Variants in DGKB observed in about 807,000 individuals in gnomAD.
DGKB encodes 90 kDa diacylglycerol kinase.
DGKB carries 67 observed loss-of-function variants against 114.3 expected under a neutral mutation model. The observed-to-expected ratio is 0.59, with a 90% CI of 0.48 to 0.72. The LOEUF (loss-of-function observed/expected upper bound fraction) is 0.72. Ranked by LOEUF, DGKB falls within the 30% of genes least tolerant of loss-of-function variation. The pLI, the probability that DGKB is intolerant of heterozygous loss-of-function variation, is 0.00. For synonymous variants in DGKB, 398 were observed against 323.1 expected, an observed-to-expected ratio of 1.23 and a Z score of -2.49; for missense variants, 907 against 975.2, an observed-to-expected ratio of 0.93 and a Z score of 0.93.
At chr7:14,691,451 C>A (rs969194676) in intron 9 of DGKB, among the ~76,000 whole-genome samples, 41 of 152,158 alleles carry the variant, frequency 2.7e-4, no homozygotes, top group African/African-American at 8.7e-4. Flanking sequence ...AAATTCTCTA[C>A]AGGTAATAAT....
At chr7:14,473,009 A>T (rs1202910712) in intron 21 of DGKB, among the ~76,000 whole-genome samples, 2 of 152,188 alleles carry the variant, frequency 1.3e-5, no homozygotes, top group African/African-American at 2.4e-5. Context: ...TATAGAAAAG[A>T]AAATCCCATT....
At chr7:14,755,321 A>G (rs1834710566) in intron 3 of DGKB, among the ~76,000 whole-genome samples, 1 of 152,164 alleles carries the variant, frequency 6.6e-6, no homozygotes, top group African/African-American at 2.4e-5. Flanking sequence ...TTAAAACTTC[A>G]GTAATTCAAG....
At chr7:14,834,813 A>T (rs1284381789) in intron 2 of DGKB, among the ~76,000 whole-genome samples, 1 of 152,182 alleles carries the variant, frequency 6.6e-6, no homozygotes. Flanking sequence ...AATTGGACTC[A>T]AATGGATTTT....
At chr7:14,800,448 A>T (rs1842006987) in intron 2 of DGKB, among the ~76,000 whole-genome samples, 1 of 152,178 alleles carries the variant, frequency 6.6e-6, no homozygotes, top group Non-Finnish European at 1.5e-5. Flanking sequence ...AGCAGGCAGA[A>T]AAGGAGAGAC....
chr7:14,616,508 A>G (rs985521970), intron 15 of DGKB, among the ~76,000 whole-genome samples: 3 of 151,910 alleles, frequency 2.0e-5, no homozygotes, highest in Middle Eastern at 3.4e-3. Flanking sequence ...GCAATCCTAA[A>G]ATATTGTGTC....
At chr7:14,786,124 A>G (rs1027545892) in intron 2 of DGKB, among the ~76,000 whole-genome samples, 4 of 151,274 alleles carry the variant, frequency 2.6e-5, no homozygotes, top group Non-Finnish European at 5.9e-5. Flanking sequence ...GATTAGAAAA[A>G]TTTCCAGGAA....
intron 1 of DGKB, among the ~76,000 whole-genome samples, chr7:14,933,653 G>A (rs1785140907): frequency 6.6e-6 from 1 of 152,006 alleles, no homozygotes; most frequent in Admixed American, 6.6e-5. Flanking sequence ...CAAAACTAAT[G>A]TATACAAAGA....
At chr7:14,543,635 G>T (rs1487053687) in intron 20 of DGKB, among the ~76,000 whole-genome samples, 1 of 152,110 alleles carries the variant, frequency 6.6e-6, no homozygotes, top group Non-Finnish European at 1.5e-5. Context: ...ATAGTAACTT[G>T]CTCACAGTAG....
intron 2 of DGKB, among the ~76,000 whole-genome samples, chr7:14,767,013 G>T (rs762486304): frequency 1.3e-5 from 2 of 151,486 alleles, no homozygotes; most frequent in Non-Finnish European, 3.0e-5. Context: ...GAGTTTAAGA[G>T]AAAATATGAT....
rs148625162 is a variant in DGKB, at chr7:14,502,127, G to C, written c.1771-23902C>G. ...ATCTTAATGTCTTGGATGTGGGCTTGACTAACAGAATGTGATGAAAGTGAC... is the reference window on the plus strand; with the variant it reads ...ATCTTAATGTCTTGGATGTGGGCTTCACTAACAGAATGTGATGAAAGTGAC... On this transcript the variant is annotated intron_variant, in intron 20 of 25. Coordinates refer to ENST00000402815, the MANE Select transcript of DGKB (RefSeq NM_001350709.2). 2.3e-3 allele frequency among the ~76,000 whole-genome samples: 356 copies of C among 152,016 alleles called. 2 individuals carry two copies. Among genetic ancestry groups the C allele is most frequent in the African/African-American group, 8.1e-3 (337 of 41,516 alleles).
Position 14,345,394 on chromosome 7 carries a change from G to GA in DGKB, c.1836-4dup. 1 of 1,505,750 alleles carries GA rather than the reference G, an allele frequency of 6.6e-7. No homozygotes were observed. The highest frequency in any genetic ancestry group is 9.0e-7 in the Non-Finnish European group (1 of 1,113,088). 93.3% of individuals were successfully genotyped at this position (1,505,750 alleles called of 1,614,324 possible). A position where few individuals can be genotyped will look rare whatever the true frequency, so the allele number is the denominator to read the frequency against. On this transcript the variant is annotated splice_polypyrimidine_tract_variant and splice_region_variant and intron_variant, in intron 21 of 25. Coordinates refer to ENST00000402815, the MANE Select transcript of DGKB (RefSeq NM_001350709.2). ...AATACCAAAATTTGTTCTTCATTCT[G>GA]AAAAAGAAAAGGAAGAAGCACCTTA...
intron 21 of DGKB, among the ~76,000 whole-genome samples, chr7:14,466,702 C>A (rs1054971156): frequency 2.0e-5 from 3 of 151,838 alleles, no homozygotes; most frequent in Non-Finnish European, 4.4e-5. Context: ...TCTGTAGTCC[C>A]AGCTACTTAG....
intron 2 of DGKB, among the ~76,000 whole-genome samples, chr7:14,808,527 G>C (rs138865132): frequency 4.9e-4 from 75 of 152,144 alleles, no homozygotes; most frequent in African/African-American, 1.7e-3. Context: ...GAGTTTCAAG[G>C]ATAGAATAAG....
intron 22 of DGKB, 122 bp downstream of exon 22, chr7:14,345,179 T>G (rs1210587273): frequency 1.4e-5 from 8 of 580,792 alleles, no homozygotes; most frequent in African/African-American, 2.0e-5. Flanking sequence ...ATTTAAAATC[T>G]TGAGTAAGTC....
chr7:14,274,128 G>A (rs1798655543), intron 23 of DGKB, among the ~76,000 whole-genome samples: 1 of 152,154 alleles, frequency 6.6e-6, no homozygotes, highest in African/African-American at 2.4e-5. Flanking sequence ...TACAGTAGCA[G>A]GTGATTGCCA....
chr7:14,883,057 G>A (rs978904644), intron 1 of DGKB, among the ~76,000 whole-genome samples: 13 of 151,816 alleles, frequency 8.6e-5, no homozygotes, highest in African/African-American at 2.9e-4. Context: ...GAAAAGTTGT[G>A]TCATTTCTGA....
chr7:14,934,980 G>T (rs1785203482), intron 1 of DGKB, among the ~76,000 whole-genome samples: 1 of 152,174 alleles, frequency 6.6e-6, no homozygotes, highest in Non-Finnish European at 1.5e-5. Context: ...GGTTCTGAAA[G>T]CACATTATGT....
chr7:14,591,877 G>T (rs2128746645), intron 17 of DGKB, among the ~76,000 whole-genome samples: 1 of 151,908 alleles, frequency 6.6e-6, no homozygotes, highest in Admixed American at 6.6e-5. Flanking sequence ...TTGTTATTAG[G>T]TACAAAGCAC....
intron 23 of DGKB, among the ~76,000 whole-genome samples, chr7:14,244,488 C>G (rs1338248993): frequency 7.0e-6 from 1 of 142,462 alleles, no homozygotes; most frequent in Non-Finnish European, 1.5e-5. Context: ...AACCCCGTCT[C>G]TACTAAAAGT....
Sources: gnomAD v4.1 joint callset for allele counts (sites outside exome capture counted in the v4.1 genomes callset) on GRCh38, gnomAD v4.1.1 for gene constraint, MANE v1.5 for transcripts, NCBI Gene and HGNC (gene_info 2026-07-23, HGNC 2026-07-21) for gene names.